The following SASH1 variants were observed in gnomAD, a reference collection of about 807,000 sequenced individuals.
The protein encoded by SASH1 is SAM and SH3 domain-containing protein 1.
A neutral mutation model predicts 125.2 loss-of-function variants in SASH1; 44 were observed. The observed-to-expected ratio is 0.35, with a 90% CI of 0.28 to 0.45. SASH1 has a LOEUF of 0.45. Among genes scored for constraint, SASH1 ranks in the 20% least tolerant of loss-of-function variants. The pLI is 1.00. For missense variants in SASH1, 1,426 were observed against 1,614.5 expected (o/e 0.88, Z 2.00); for synonymous variants, 639 against 649.1 (o/e 0.98, Z 0.24).
chr6:148,386,822 T>G (rs2114804586), intron 1 of SASH1, among the ~76,000 whole-genome samples: 1 of 152,212 alleles, frequency 6.6e-6, no homozygotes, highest in South Asian at 2.1e-4. Context: ...AAAAGGGAGC[T>G]CCTTTGTCTT....
intron 4 of SASH1, among the ~76,000 whole-genome samples, chr6:148,442,893 C>G (rs1776605112): frequency 6.6e-6 from 1 of 151,968 alleles, no homozygotes; most frequent in African/African-American, 2.4e-5. Context: ...CCTGCCTTAG[C>G]CTCTTGAGTA....
chr6:148,323,329 A>G (rs1478542705), intron 1 of SASH1, among the ~76,000 whole-genome samples: 1 of 152,138 alleles, frequency 6.6e-6, no homozygotes. Context: ...CTTTCAAAAA[A>G]TAAAAAATAA....
At chr6:148,525,027 A>C (rs1380346590) in intron 10 of SASH1, 2 of 430,604 alleles carry the variant, frequency 4.6e-6, no homozygotes, top group African/African-American at 4.1e-5. Flanking sequence ...TTTTTAAAAA[A>C]AATGGTTGGT....
Position 148,487,710 on chromosome 6 carries a change from T to C in SASH1, c.724T>C (p.Cys242Arg). The change falls in exon 8 of 20, where the codon TGC (cysteine) becomes CGC (arginine). Residue 242 changes from cysteine (C) to arginine (R), a missense_variant. Coordinates refer to ENST00000367467, the MANE Select transcript of SASH1 (RefSeq NM_015278.5). ...SYPTFDGSSN[C>R]NSREQSDDET... is the part of the protein sequence containing the mutation. ...CCCAACGTTTGATGGCTCATCAAACTGCAATGTGAGTTTATCATGTCTTTG... is the reference window on the plus strand; with the variant it reads ...CCCAACGTTTGATGGCTCATCAAACCGCAATGTGAGTTTATCATGTCTTTG... 2 of 1,604,242 alleles carry C rather than the reference T, an allele frequency of 1.2e-6. No homozygotes were observed. The highest frequency in any genetic ancestry group is 1.7e-6 in the Non-Finnish European group (2 of 1,171,334).
At chr6:148,481,555 C>T (rs1380366146) in intron 7 of SASH1, among the ~76,000 whole-genome samples, 1 of 152,140 alleles carries the variant, frequency 6.6e-6, no homozygotes, top group Non-Finnish European at 1.5e-5. Flanking sequence ...ATTTAAGGCA[C>T]AGAGGCGATT....
chr6:148,397,084 C>G (rs560952586), intron 2 of SASH1, among the ~76,000 whole-genome samples: 1 of 152,052 alleles, frequency 6.6e-6, no homozygotes, highest in Non-Finnish European at 1.5e-5. Flanking sequence ...ATCATAATAC[C>G]GTGAACGTCC....
At chr6:148,407,726 G>T (rs1314542438) in intron 2 of SASH1, among the ~76,000 whole-genome samples, 1 of 152,112 alleles carries the variant, frequency 6.6e-6, no homozygotes, top group East Asian at 1.9e-4. Flanking sequence ...TCTGCCGCCC[G>T]AGTTGAAGCA....
intron 1 of SASH1, among the ~76,000 whole-genome samples, chr6:148,364,514 G>A (rs918619252): frequency 6.6e-6 from 1 of 151,978 alleles, no homozygotes; most frequent in Non-Finnish European, 1.5e-5. Context: ...AACTAATGTA[G>A]GGTGGAAGTT....
At chr6:148,325,260 TTTTG>T (rs1388479480) in intron 1 of SASH1, among the ~76,000 whole-genome samples, 1 of 52,060 alleles carries the variant, frequency 1.9e-5, no homozygotes, top group Non-Finnish European at 4.7e-5. Context: ...GAAAAGCCTC[TTTTG>T]TTGTTGTTGT....
At chr6:148,231,581 A>C in the SASH1 span, among the ~76,000 whole-genome samples, 14 of 152,242 alleles carry the variant, frequency 9.2e-5, no homozygotes, top group African/African-American at 3.1e-4. Context: ...TTAATCTGCA[A>C]GATGAAATAT....
At chr6:148,538,084 C>T (rs1176233446) in intron 16 of SASH1, among the ~76,000 whole-genome samples, 3 of 152,154 alleles carry the variant, frequency 2.0e-5, no homozygotes. Flanking sequence ...CTCTTTTTCT[C>T]TTCTCCCTAA....
chr6:148,438,905 A>T (rs1434928595), intron 2 of SASH1, among the ~76,000 whole-genome samples: 1 of 152,062 alleles, frequency 6.6e-6, no homozygotes, highest in Non-Finnish European at 1.5e-5. Context: ...ATTCATTCCG[A>T]TACTCTATAT....
intron 1 of SASH1, among the ~76,000 whole-genome samples, chr6:148,345,787 A>G (rs1781502936): frequency 6.6e-6 from 1 of 152,232 alleles, no homozygotes; most frequent in African/African-American, 2.4e-5. Flanking sequence ...CCAATGGCAC[A>G]TACCATGTTA....
In SASH1 at chr6:148,482,574, T is replaced by C. The variant is rs73587715; in HGVS notation, c.628-5040T>C. ...TCTTGCTCTGTAGCCCATGCTAGAG[T>C]GCAGTGGCGTGATAATGGTTCACTG... is the stretch of plus-strand genomic sequence containing the variant. On this transcript the variant is annotated intron_variant, in intron 7 of 19. Transcript: ENST00000367467. Among the ~76,000 whole-genome samples, 849 of 151,742 alleles carry C rather than the reference T, an allele frequency of 5.6e-3. 7 individuals carry two copies. The highest frequency in any genetic ancestry group is 0.02 in the African/African-American group (819 of 41,334).
intron 1 of SASH1, among the ~76,000 whole-genome samples, chr6:148,344,503 C>T (rs765725751): frequency 7.2e-5 from 11 of 152,178 alleles, no homozygotes; most frequent in South Asian, 2.1e-4. Flanking sequence ...AGAGAACCAG[C>T]GAGCGTTGGT....
rs1271946172 is a variant in SASH1, at chr6:148,548,835, T to A, written c.*277T>A. On this transcript the variant is annotated 3_prime_UTR_variant, in exon 20 of 20. Transcript: ENST00000367467. ...AAGACAAAAGAACCAAGATGCCAAC[T>A]GGCTGCGAATGCTCTATCTCCAGTC... 8.8e-6 allele frequency: 3 copies of A among 342,638 alleles called. No homozygotes were observed. Among genetic ancestry groups the A allele is most frequent in the African/African-American group, 6.3e-5 (3 of 47,852 alleles). 21.2% of individuals were successfully genotyped at this position (342,638 alleles called of 1,614,324 possible). A position where few individuals can be genotyped will look rare whatever the true frequency, so the allele number is the denominator to read the frequency against.
intron 7 of SASH1, among the ~76,000 whole-genome samples, chr6:148,477,565 G>C (rs891527091): frequency 6.6e-6 from 1 of 151,900 alleles, no homozygotes; most frequent in East Asian, 1.9e-4. Context: ...TCACTCTGTC[G>C]CCCAGGCTGG....
intron 1 of SASH1, among the ~76,000 whole-genome samples, chr6:148,293,249 C>G (rs1779681157): frequency 6.6e-6 from 1 of 152,152 alleles, no homozygotes; most frequent in Non-Finnish European, 1.5e-5. Context: ...TTCTCAGGAC[C>G]AGAGCACTCC....
intron 8 of SASH1, among the ~76,000 whole-genome samples, chr6:148,497,959 C>T (rs1423321710): frequency 2.0e-5 from 3 of 152,006 alleles, no homozygotes; most frequent in South Asian, 2.1e-4. Flanking sequence ...CCTGTTATGT[C>T]GGAAGGCACT....
Sources: allele counts gnomAD v4.1 joint callset (sites outside exome capture counted in the v4.1 genomes callset), GRCh38; gene constraint gnomAD v4.1.1; transcripts MANE v1.5; gene names NCBI Gene and HGNC (gene_info 2026-07-23, HGNC 2026-07-21).